The following TMPRSS9 variants were observed in gnomAD, a reference collection of about 807,000 sequenced individuals.
TMPRSS9 encodes the protein transmembrane serine protease 9.
A neutral mutation model predicts 111.4 loss-of-function variants in TMPRSS9; 113 were observed. That is an observed-to-expected ratio of 1.01 (90% CI 0.87 to 1.19). TMPRSS9 has a LOEUF of 1.19. TMPRSS9 is among the 50% of genes most tolerant of loss of function. The pLI is 0.00. For synonymous variants in TMPRSS9, 805 were observed against 659.1 expected, an observed-to-expected ratio of 1.22 and a Z score of -3.39; for missense variants, 1,803 against 1,513.1, an observed-to-expected ratio of 1.19 and a Z score of -3.18.
chr19:2,383,183 G>A (rs528008371), intron 1 of TMPRSS9, among the ~76,000 whole-genome samples: 165 of 152,158 alleles, frequency 1.1e-3, no homozygotes, highest in African/African-American at 3.7e-3. Flanking sequence ...GCAAGATCCC[G>A]TCTCTACTAA....
chr19:2,421,284 GTTAT>G (rs995404440), intron 13 of TMPRSS9, among the ~76,000 whole-genome samples: 59 of 150,846 alleles, frequency 3.9e-4, no homozygotes, highest in African/African-American at 1.3e-3. Flanking sequence ...TGTTATTGTT[GTTAT>G]TTATTTATTT....
At chr19:2,360,963 C>T (rs1005618287) in intron 1 of TMPRSS9, among the ~76,000 whole-genome samples, 4 of 145,004 alleles carry the variant, frequency 2.8e-5, no homozygotes, top group African/African-American at 7.8e-5. Flanking sequence ...TGTGTAGATT[C>T]GGCCTAGTTC....
chr19:2,394,700 T>G (rs996928177), intron 1 of TMPRSS9, among the ~76,000 whole-genome samples: 1 of 152,222 alleles, frequency 6.6e-6, no homozygotes, highest in African/African-American at 2.4e-5. Flanking sequence ...AGCATATCTA[T>G]CCATTTAGGA....
chr19:2,396,416 C>T, intron 1 of TMPRSS9, 123 bp from the exon 3 acceptor site: 2 of 1,223,610 alleles, frequency 1.6e-6, no homozygotes, highest in Non-Finnish European at 2.2e-6. Context: ...GACCACCCCA[C>T]TGCGTGTCAG....
intron 10 of TMPRSS9, among the ~76,000 whole-genome samples, 198 bp from the exon 12 acceptor site, chr19:2,415,472 A>G (rs1971208752): frequency 6.6e-6 from 1 of 151,718 alleles, no homozygotes; most frequent in Non-Finnish European, 1.5e-5. Context: ...TCTGTCCCCG[A>G]AGCGAGGCCA....
At chr19:2,371,536 G>GA (rs5826763) in intron 1 of TMPRSS9, among the ~76,000 whole-genome samples, 10 of 149,632 alleles carry the variant, frequency 6.7e-5, no homozygotes, top group Admixed American at 2.0e-4. Context: ...AAATACAAAA[G>GA]AAAAAAAAAA....
At chr19:2,408,526 T>A (rs370059104) in exon 8 of TMPRSS9, 5 of 1,613,784 alleles carry the variant, frequency 3.1e-6, no homozygotes, top group Middle Eastern at 1.6e-4. Flanking sequence ...CCTCTGCCTT[T>A]CGGCCGGCAC....
At position 2,414,401 on chromosome 19, in the gene TMPRSS9, G is replaced by A. The variant is rs536660058; in HGVS notation, c.1573+383G>A. On this transcript the variant is annotated intron_variant, in intron 10 of 17. Transcript: ENST00000648592. ...ATTACAGGCACAGGCCACCACACCC[G>A]GCTAATTTTTGTATTTTTAGTAGAG... Among the ~76,000 whole-genome samples the A allele has an allele frequency of 7.9e-5, 12 of 152,022 alleles. 1 individual carries two copies. In the South Asian group the frequency reaches 1.9e-3, roughly 24 times the overall value.
intron 13 of TMPRSS9, 126 bp from the exon 15 acceptor site, chr19:2,421,728 C>CG (rs1432363212): frequency 7.8e-6 from 8 of 1,029,530 alleles, no homozygotes; most frequent in Non-Finnish European, 1.1e-5. Context: ...TCTCCAGACC[C>CG]GCGCTGTGCC....
chr19:2,415,782 C>T (rs777464336), exon 11 of TMPRSS9: 3 of 1,608,974 alleles, frequency 1.9e-6, no homozygotes, highest in Non-Finnish European at 2.5e-6. Context: ...CCCGGCACTT[C>T]TGCGGAGCAA....
At chr19:2,409,204 G>T (rs569013815) in intron 8 of TMPRSS9, among the ~76,000 whole-genome samples, 2 of 147,036 alleles carry the variant, frequency 1.4e-5, no homozygotes, top group African/African-American at 5.0e-5. Context: ...GCAGTGGTGC[G>T]ATCTCTGCTC....
chr19:2,423,639 C>A (rs1029091616), intron 14 of TMPRSS9, among the ~76,000 whole-genome samples: 1 of 152,180 alleles, frequency 6.6e-6, no homozygotes, highest in African/African-American at 2.4e-5. Flanking sequence ...CGTGTTCTTT[C>A]CACAGCTGGG....
chr19:2,404,641 C>G (rs143084816), intron 6 of TMPRSS9, among the ~76,000 whole-genome samples: 1 of 150,082 alleles, frequency 6.7e-6, no homozygotes, highest in African/African-American at 2.4e-5. Flanking sequence ...CAAAAAATAT[C>G]AAGACTAGGC....
intron 4 of TMPRSS9, among the ~76,000 whole-genome samples, chr19:2,401,005 TG>T (rs1970828019): frequency 6.8e-6 from 1 of 147,134 alleles, no homozygotes; most frequent in African/African-American, 2.5e-5. Flanking sequence ...CCGGGCGCGG[TG>T]GCTTACGCCT....
At chr19:2,411,299 C>CAAAAAAAAA (rs771305642) in intron 9 of TMPRSS9, among the ~76,000 whole-genome samples, 4 of 32,318 alleles carry the variant, frequency 1.2e-4, no homozygotes, top group Non-Finnish European at 1.4e-4. Flanking sequence ...GACTCTGTCT[C>CAAAAAAAAA]AAAAAAAAAA....
At position 2,415,576 on chromosome 19, in the gene TMPRSS9, C is replaced by A. The variant is rs2145377175; in HGVS notation, c.1574-94C>A. The stretch of plus-strand genomic sequence containing the variant: ...GGGAGGGATTGCGGCATCTTCAGGG[C>A]CTGGCTGCAACCGGTGTCCTGGGAC... On this transcript the variant is annotated intron_variant, in intron 10 of 17. Coordinates refer to ENST00000648592, the Ensembl canonical transcript of TMPRSS9. 4.9e-6 allele frequency: 6 copies of A among 1,220,048 alleles called. No homozygotes were observed. The South Asian group carries it at 9.0e-5, about 18-fold the overall frequency. 75.6% of individuals were successfully genotyped at this position (1,220,048 alleles called of 1,614,324 possible).
At chr19:2,409,676 C>T (rs1336229556) in intron 8 of TMPRSS9, among the ~76,000 whole-genome samples, 1 of 152,086 alleles carries the variant, frequency 6.6e-6, no homozygotes, top group Admixed American at 6.6e-5. Flanking sequence ...CAGGCAAATT[C>T]TGCAGGGACA....
chr19:2,419,519 T>A (rs1971415975), intron 13 of TMPRSS9, among the ~76,000 whole-genome samples: 1 of 142,834 alleles, frequency 7.0e-6, no homozygotes, highest in South Asian at 2.2e-4. Context: ...CTTTTTCTTT[T>A]TCCTTTTTTT....
chr19:2,420,407 A>C (rs1971436091), intron 13 of TMPRSS9, among the ~76,000 whole-genome samples: 1 of 143,692 alleles, frequency 7.0e-6, no homozygotes, highest in Middle Eastern at 3.8e-3. Context: ...ATGTCACTGC[A>C]CTCCAGCCCG....
Sources: allele counts gnomAD v4.1 joint callset (sites outside exome capture counted in the v4.1 genomes callset), GRCh38; gene constraint gnomAD v4.1.1; transcripts MANE v1.5; gene names NCBI Gene and HGNC (gene_info 2026-07-23, HGNC 2026-07-21).